The following CDH23 variants were observed in gnomAD, a reference collection of about 807,000 sequenced individuals.
CDH23 encodes the protein cadherin related 23, also known as cadherin-23.
A neutral mutation model predicts 317.1 loss-of-function variants in CDH23; 189 were observed. That is an observed-to-expected ratio of 0.60 (90% CI 0.53 to 0.67). CDH23 has a LOEUF of 0.67. CDH23 is among the 30% of genes least tolerant of loss of function. The pLI, the probability that CDH23 is intolerant of heterozygous loss-of-function variation, is 0.00. For missense variants in CDH23, 4,401 were observed against 4,592.4 expected, an observed-to-expected ratio of 0.96 and a Z score of 1.20; for synonymous variants, 1,839 against 1,876.8, an observed-to-expected ratio of 0.98 and a Z score of 0.52.
intron 3 of CDH23, among the ~76,000 whole-genome samples, chr10:71,507,504 C>G (rs1415276719): frequency 6.6e-6 from 1 of 152,148 alleles, no homozygotes; most frequent in Admixed American, 6.5e-5. Flanking sequence ...TCAGGCTGGC[C>G]AACATGATGA....
intron 2 of CDH23, among the ~76,000 whole-genome samples, chr10:71,440,383 A>T (rs1023205753): frequency 6.6e-6 from 1 of 152,180 alleles, no homozygotes; most frequent in Non-Finnish European, 1.5e-5. Flanking sequence ...TGCAGGGTGA[A>T]TAGAGTGGTA....
At chr10:71,695,557 G>A (rs910268744) in intron 22 of CDH23, 32 bp downstream of exon 22, 3 of 1,490,146 alleles carry the variant, frequency 2.0e-6, no homozygotes, top group Non-Finnish European at 2.8e-6. Flanking sequence ...GAACTGCCAG[G>A]CGGCCCTTCC....
At chr10:71,496,419 G>A (rs1420896767) in intron 3 of CDH23, among the ~76,000 whole-genome samples, 1 of 152,180 alleles carries the variant, frequency 6.6e-6, no homozygotes, top group Admixed American at 6.5e-5. Flanking sequence ...TTCCACATGG[G>A]TAAGCACATG....
intron 14 of CDH23, among the ~76,000 whole-genome samples, chr10:71,674,700 A>G (rs1037770605): frequency 1.3e-5 from 2 of 152,226 alleles, no homozygotes; most frequent in African/African-American, 4.8e-5. Context: ...CCTTGCATGG[A>G]TTATGTGTTT....
chr10:71,618,645 C>T (rs529425080), intron 11 of CDH23, among the ~76,000 whole-genome samples: 5 of 152,274 alleles, frequency 3.3e-5, no homozygotes, highest in South Asian at 2.1e-4. Flanking sequence ...CTTCCTCCAC[C>T]GTCCTCGGGA....
intron 9 of CDH23, among the ~76,000 whole-genome samples, chr10:71,588,878 C>T (rs1364625569): frequency 6.6e-6 from 1 of 152,218 alleles, no homozygotes; most frequent in Non-Finnish European, 1.5e-5. Context: ...CCCAGCATCT[C>T]CTGGGCGCCC....
rs2894165 is a variant in CDH23 at position 71,590,884 on chromosome 10, A to C, written c.832+12892A>C. Among the ~76,000 whole-genome samples, 46 of 71,592 alleles carry C rather than the reference A, an allele frequency of 6.4e-4. 2 individuals carry two copies. The highest frequency in any genetic ancestry group is 1.2e-3 in the Admixed American group (8 of 6,900). The allele number at this position is 71,592 out of a possible 152,430, so 47.0% of individuals were successfully genotyped here. On this transcript the variant is annotated intron_variant, in intron 9 of 69. Coordinates refer to ENST00000224721, the MANE Select transcript of CDH23 (RefSeq NM_022124.6). ...TGAGACCCTGTCTCTAAAAAAAAAA[A>C]AACAAAAAAAAACAAAAAAAAACAC...
At chr10:71,598,643 C>T (rs970567734) in intron 9 of CDH23, among the ~76,000 whole-genome samples, 5 of 152,158 alleles carry the variant, frequency 3.3e-5, no homozygotes, top group African/African-American at 1.2e-4. Flanking sequence ...GTAGGGTGGC[C>T]CAGTGGGAAA....
chr10:71,753,084 C>A, intron 38 of CDH23: 2 of 1,534,238 alleles, frequency 1.3e-6, no homozygotes, highest in Non-Finnish European at 1.8e-6. Context: ...GGCAGATGCC[C>A]TGCAGGGAAC....
chr10:71,716,350 A>C lies in CDH23; in HGVS notation c.3369+3537A>C, dbSNP rs889567606. ...CCTCTGTGCTCATGGCTCCTGCAAC[A>C]GCAACAAGACAGAAGCTCAAAGGCA... On this transcript the variant is annotated intron_variant, in intron 28 of 69. Coordinates refer to ENST00000224721, the MANE Select transcript of CDH23 (RefSeq NM_022124.6). 164 of 1,465,124 alleles carry C rather than the reference A, an allele frequency of 1.1e-4. No individual in the cohort carries two copies. Among genetic ancestry groups the C allele is most frequent in the Middle Eastern group, 4.5e-4 (2 of 4,416 alleles). The allele number at this position is 1,465,124 out of a possible 1,614,324, so 90.8% of individuals were successfully genotyped here.
At chr10:71,464,954 A>G (rs1851173353) in intron 3 of CDH23, among the ~76,000 whole-genome samples, 1 of 152,184 alleles carries the variant, frequency 6.6e-6, no homozygotes, top group South Asian at 2.1e-4. Context: ...AGGACTATGT[A>G]TGCATGATCT....
chr10:71,553,992 C>T (rs1259016895), intron 6 of CDH23, among the ~76,000 whole-genome samples: 1 of 152,218 alleles, frequency 6.6e-6, no homozygotes, highest in Non-Finnish European at 1.5e-5. Flanking sequence ...CCATAAGTAA[C>T]ATCTGCAAAG....
At position 71,791,237 on chromosome 10, in the gene CDH23, C is replaced by T. The variant is rs1382081524; in HGVS notation, c.6155C>T (p.Thr2052Met). 14 of 1,613,424 alleles carry T rather than the reference C, an allele frequency of 8.7e-6. No individual in the cohort carries two copies. Among genetic ancestry groups the T allele is most frequent in the East Asian group, 2.2e-5 (1 of 44,884 alleles). ...LAEDIGLLNS[T>M]AHLLITILDD... ...GAGGACATCGGGCTGCTCAACAGCA[C>T]GGCCCACCTGCTCATCACCATCCTG... Residue 2052 changes from threonine (T) to methionine (M), a missense_variant, in exon 47 of 70, where the codon ACG becomes ATG. Coordinates refer to ENST00000224721, the MANE Select transcript of CDH23 (RefSeq NM_022124.6).
intron 3 of CDH23, among the ~76,000 whole-genome samples, chr10:71,504,248 T>C (rs1853507648): frequency 6.6e-6 from 1 of 152,216 alleles, no homozygotes; most frequent in Non-Finnish European, 1.5e-5. Flanking sequence ...CATTCTACTT[T>C]CTGTCTCTAT....
rs1863176840 is a variant in CDH23, at chr10:71,651,598, G to T, written c.1449+4981G>T. Among the ~76,000 whole-genome samples the T allele has an allele frequency of 3.3e-5, 5 of 151,784 alleles. No individual in the cohort carries two copies. In the East Asian group the frequency reaches 7.7e-4, roughly 23 times the overall value. On this transcript the variant is annotated intron_variant, in intron 14 of 69. Transcript: ENST00000224721. ...GGAGGAGAGAACAGCATGTGCAAAG[G>T]CCCCGTGGCTGGAGTACAGTGAGGA...
chr10:71,407,014 A>G (rs949114597), intron 1 of CDH23, among the ~76,000 whole-genome samples: 4 of 152,206 alleles, frequency 2.6e-5, no homozygotes, highest in Non-Finnish European at 5.9e-5. Context: ...AACCCTACGA[A>G]TTAGGGTCAG....
chr10:71,455,925 G>C (rs753904074), intron 3 of CDH23, among the ~76,000 whole-genome samples: 2 of 152,126 alleles, frequency 1.3e-5, no homozygotes, highest in Non-Finnish European at 2.9e-5. Flanking sequence ...TTACTGCTGG[G>C]GTCCGGATTG....
At chr10:71,501,326 CT>C (rs1169380472) in intron 3 of CDH23, among the ~76,000 whole-genome samples, 1 of 152,218 alleles carries the variant, frequency 6.6e-6, no homozygotes, top group Non-Finnish European at 1.5e-5. Context: ...TCCTTTCCCC[CT>C]GACAGTTCAT....
intron 48 of CDH23, chr10:71,795,961 G>A (rs948069411): frequency 6.3e-5 from 62 of 985,778 alleles, no homozygotes; most frequent in Middle Eastern, 1.0e-3. Context: ...GGCCAAGGCC[G>A]TGGCCCAGCC....
Sources: gnomAD v4.1 joint callset for allele counts (sites outside exome capture counted in the v4.1 genomes callset) on GRCh38, gnomAD v4.1.1 for gene constraint, MANE v1.5 for transcripts, NCBI Gene and HGNC (gene_info 2026-07-23, HGNC 2026-07-21) for gene names.